The following BAZ2B variants were observed in gnomAD, a reference collection of about 807,000 sequenced individuals.
BAZ2B encodes the protein bromodomain adjacent to zinc finger domain protein 2B.
BAZ2B carries 91 observed loss-of-function variants against 246.0 expected under a neutral mutation model. That is an observed-to-expected ratio of 0.37 (90% CI 0.31 to 0.44). The LOEUF (loss-of-function observed/expected upper bound fraction) is 0.44, where lower values mean the gene tolerates loss of function less well. Among genes scored for constraint, BAZ2B ranks in the 20% least tolerant of loss-of-function variants. The pLI is 1.00. For missense variants in BAZ2B, 2,332 were observed against 2,533.7 expected (o/e 0.92, Z 1.71); for synonymous variants, 855 against 860.0 (o/e 0.99, Z 0.10).
At chr2:159,612,215 T>C (rs60211686) in intron 1 of BAZ2B, among the ~76,000 whole-genome samples, 47,448 of 151,874 alleles carry the variant, frequency 0.31, 9,345 homozygotes, top group Admixed American at 0.48. Context: ...CCCCAATAAT[T>C]ATTTCTTTTC....
chr2:159,643,920 A>G, the BAZ2B span, among the ~76,000 whole-genome samples: 1 of 151,826 alleles, frequency 6.6e-6, no homozygotes, highest in East Asian at 1.9e-4. Context: ...TTCAAGCATC[A>G]ACTCAAACAT....
At chr2:159,320,797 A>G (rs1250548256) in intron 36 of BAZ2B, among the ~76,000 whole-genome samples, 2 of 152,190 alleles carry the variant, frequency 1.3e-5, no homozygotes, top group African/African-American at 2.4e-5. Context: ...CCTATTATCC[A>G]TATTAAAAAA....
intron 6 of BAZ2B, among the ~76,000 whole-genome samples, chr2:159,443,102 C>G (rs1458867185): frequency 6.6e-6 from 1 of 152,156 alleles, no homozygotes; most frequent in African/African-American, 2.4e-5. Flanking sequence ...TTTTGAGGAA[C>G]TGCCATACTG....
chr2:159,576,937 A>G (rs1018253637), intron 1 of BAZ2B, among the ~76,000 whole-genome samples: 28 of 133,052 alleles, frequency 2.1e-4, no homozygotes, highest in Non-Finnish European at 1.6e-5. Context: ...AAAAAAAAGG[A>G]AAGTGTGGCC....
intron 6 of BAZ2B, among the ~76,000 whole-genome samples, chr2:159,441,054 C>G (rs985130743): frequency 6.6e-6 from 1 of 152,044 alleles, no homozygotes; most frequent in African/African-American, 2.4e-5. Flanking sequence ...ATTTATTTGT[C>G]AAAGAAACAG....
At chr2:159,317,481 G>A (rs992301247), downstream of BAZ2B, among the ~76,000 whole-genome samples, 3 of 152,184 alleles carry the variant, frequency 2.0e-5, no homozygotes, top group Non-Finnish European at 4.4e-5. Context: ...AATTTTCACT[G>A]TGGTTAACAA....
the BAZ2B span, among the ~76,000 whole-genome samples, chr2:159,626,067 C>CA: frequency 6.7e-6 from 1 of 150,306 alleles, no homozygotes; most frequent in Non-Finnish European, 1.5e-5. Context: ...TAACAAAGAT[C>CA]AAAAGAGACA....
Position 159,336,792 on chromosome 2 carries a change from G to T in BAZ2B, c.5796+150C>A, listed in dbSNP as rs931278473. On this transcript the variant is annotated intron_variant, in intron 33 of 36. Coordinates refer to ENST00000392783, the MANE Select transcript of BAZ2B (RefSeq NM_013450.4). ...AAAGGTTCCTTCAGTAAGGAGGAAA[G>T]TATCAAAAATCTTTTAGAATTAGAA... 6 of 655,288 alleles carry T rather than the reference G, an allele frequency of 9.2e-6. No individual in the cohort carries two copies. In the African/African-American group the frequency reaches 9.4e-5, roughly 10 times the overall value. The allele number at this position is 655,288 out of a possible 1,614,324, so 40.6% of individuals were successfully genotyped here.
chr2:159,625,756 GAA>G, the BAZ2B span, among the ~76,000 whole-genome samples: 1 of 152,162 alleles, frequency 6.6e-6, no homozygotes, highest in Non-Finnish European at 1.5e-5. Context: ...ACACTATGAA[GAA>G]ACTGCATCAA....
At chr2:159,602,835 CATATA>C (rs764164077) in intron 1 of BAZ2B, among the ~76,000 whole-genome samples, 3 of 152,186 alleles carry the variant, frequency 2.0e-5, no homozygotes, top group Non-Finnish European at 4.4e-5. Flanking sequence ...TTCATCCCAT[CATATA>C]ATAACATAAA....
chr2:159,478,472 G>A (rs2078876200), intron 3 of BAZ2B, 103 bp downstream of exon 3: 2 of 1,285,346 alleles, frequency 1.6e-6, no homozygotes, highest in Admixed American at 5.1e-5. Context: ...TATTCAACAG[G>A]TCAATGCAAG....
Position 159,430,806 on chromosome 2 carries a change from A to G in BAZ2B, c.2194+57T>C. ...ATCTCCAGAACACTCTTATCAATAA[A>G]AATTCTTGCTATGGTTTGACTTCTA... On this transcript the variant is annotated intron_variant, in intron 10 of 36. Coordinates refer to ENST00000392783, the MANE Select transcript of BAZ2B (RefSeq NM_013450.4). 4 of 1,549,850 alleles carry G rather than the reference A, an allele frequency of 2.6e-6. No individual in the cohort carries two copies. In the South Asian group the frequency reaches 3.8e-5, roughly 15 times the overall value.
chr2:159,413,162 C>A (rs1049974169), intron 13 of BAZ2B, among the ~76,000 whole-genome samples: 2 of 152,102 alleles, frequency 1.3e-5, no homozygotes, highest in African/African-American at 2.4e-5. Flanking sequence ...CACACACACA[C>A]AAAAATCAAA....
chr2:159,377,638 C>T (rs898129642), intron 25 of BAZ2B, among the ~76,000 whole-genome samples: 10 of 151,774 alleles, frequency 6.6e-5, no homozygotes, highest in African/African-American at 9.7e-5. Flanking sequence ...CATGGTGAAA[C>T]CCTGTCTCTA....
At chr2:159,487,171 T>C (rs569385142) in intron 2 of BAZ2B, among the ~76,000 whole-genome samples, 1 of 152,278 alleles carries the variant, frequency 6.6e-6, no homozygotes, top group Admixed American at 6.5e-5. Context: ...GGTTTGTTAT[T>C]GCTAGAAATT....
At chr2:159,605,469 C>A (rs1693258596) in intron 1 of BAZ2B, among the ~76,000 whole-genome samples, 1 of 152,046 alleles carries the variant, frequency 6.6e-6, no homozygotes, top group African/African-American at 2.4e-5. Context: ...TTAGTTGGTA[C>A]CTGCAGTATA....
intron 36 of BAZ2B, among the ~76,000 whole-genome samples, chr2:159,322,390 T>A (rs2062825611): frequency 6.6e-6 from 1 of 152,190 alleles, no homozygotes; most frequent in Non-Finnish European, 1.5e-5. Flanking sequence ...AACATCATAC[T>A]CATTAAACAG....
chr2:159,450,473 T>C (rs1214484870), intron 4 of BAZ2B, among the ~76,000 whole-genome samples: 2 of 149,476 alleles, frequency 1.3e-5, no homozygotes, highest in African/African-American at 4.9e-5. Flanking sequence ...CAGAAGAAAA[T>C]ACAAAACAAT....
intron 1 of BAZ2B, among the ~76,000 whole-genome samples, chr2:159,598,836 T>G (rs2151747768): frequency 6.6e-6 from 1 of 151,952 alleles, no homozygotes; most frequent in East Asian, 1.9e-4. Context: ...GAGACAAGAG[T>G]GAGACTCTGT....
Sources: allele counts gnomAD v4.1 joint callset (sites outside exome capture counted in the v4.1 genomes callset), GRCh38; gene constraint gnomAD v4.1.1; transcripts MANE v1.5; gene names NCBI Gene and HGNC (gene_info 2026-07-23, HGNC 2026-07-21).